The following XRN1 variants were observed in gnomAD, a reference collection of about 807,000 sequenced individuals.
XRN1 encodes the protein strand-exchange protein 1 homolog.
XRN1 carries 67 observed loss-of-function variants against 222.3 expected under a neutral mutation model. The ratio of observed to expected loss-of-function variants is 0.30; its 90% CI spans 0.25 to 0.37. The LOEUF (loss-of-function observed/expected upper bound fraction) is 0.37, where lower values mean the gene tolerates loss of function less well. Among genes scored for constraint, XRN1 ranks in the 10% least tolerant of loss-of-function variants. The pLI is 1.00. For synonymous variants in XRN1, 643 were observed against 652.4 expected (o/e 0.99, Z 0.22); for missense variants, 1,707 against 2,000.2 (o/e 0.85, Z 2.80).
intron 15 of XRN1, among the ~76,000 whole-genome samples, chr3:142,405,698 A>G (rs551132010): frequency 2.6e-5 from 4 of 152,306 alleles, no homozygotes; most frequent in African/African-American, 9.6e-5. Flanking sequence ...ATAGAGTTCA[A>G]TAATAGACCC....
In XRN1 at chr3:142,431,907, T is replaced by TA. The variant is rs1481603631; in HGVS notation, c.308+753dup. The stretch of plus-strand genomic sequence containing the variant: ...TATTATATATAATATATATATTATA[T>TA]ATATAAATATATATAATATAATATA... On this transcript the variant is annotated intron_variant, in intron 2 of 40. Coordinates refer to ENST00000392981, the MANE Select transcript of XRN1 (RefSeq NM_001282857.2). Among the ~76,000 whole-genome samples the TA allele has an allele frequency of 5.6e-3, 259 of 46,166 alleles. 4 individuals are homozygous for TA. The highest frequency in any genetic ancestry group is 0.031 in the African/African-American group (242 of 7,684). The allele number at this position is 46,166 out of a possible 152,430, so 30.3% of individuals were successfully genotyped here. A position where few individuals can be genotyped will look rare whatever the true frequency, so the allele number is the denominator to read the frequency against.
chr3:142,351,313 G>A (rs1012079592), intron 32 of XRN1, among the ~76,000 whole-genome samples: 6 of 152,162 alleles, frequency 3.9e-5, no homozygotes, highest in African/African-American at 1.4e-4. Context: ...GAAAAACAGG[G>A]AAGGGTGGTA....
At chr3:142,353,407 T>C (rs534818803) in intron 32 of XRN1, among the ~76,000 whole-genome samples, 10 of 152,296 alleles carry the variant, frequency 6.6e-5, no homozygotes, top group African/African-American at 2.4e-4. Context: ...ATTACCTGAC[T>C]TCACGTTATA....
chr3:142,345,767 A>T (rs1358444810), intron 33 of XRN1, among the ~76,000 whole-genome samples: 1 of 152,232 alleles, frequency 6.6e-6, no homozygotes, highest in Admixed American at 6.5e-5. Context: ...TTCTCCAAAG[A>T]TGATATACAT....
At chr3:142,323,718 C>A (rs2065429165) in intron 37 of XRN1, among the ~76,000 whole-genome samples, 1 of 152,054 alleles carries the variant, frequency 6.6e-6, no homozygotes, top group Non-Finnish European at 1.5e-5. Context: ...TGGCATGTGC[C>A]TGTAATCCTA....
At chr3:142,334,231 G>C (rs988459611) in intron 34 of XRN1, among the ~76,000 whole-genome samples, 2 of 152,084 alleles carry the variant, frequency 1.3e-5, no homozygotes, top group Non-Finnish European at 2.9e-5. Flanking sequence ...CAGTATAAGA[G>C]TTTCAAATGG....
intron 2 of XRN1, among the ~76,000 whole-genome samples, chr3:142,431,545 G>A (rs566130002): frequency 5.3e-5 from 8 of 151,858 alleles, no homozygotes; most frequent in Admixed American, 3.9e-4. Flanking sequence ...GGCTGGGCAC[G>A]GTGGCTCACA....
At position 142,355,382 on chromosome 3, in the gene XRN1, CA is replaced by C; in HGVS notation, c.3768+18del. 7.4e-7 allele frequency: 1 copy of C among 1,353,134 alleles called. No homozygotes were observed. The highest frequency in any genetic ancestry group is 1.9e-5 in the South Asian group (1 of 52,694). 83.8% of individuals were successfully genotyped at this position (1,353,134 alleles called of 1,614,324 possible). ...TATTTTCTTTAAATTAATTGTCCATCAAAACAAGGAATACTAACCTTCTCTT... is the reference window on the plus strand; with the variant it reads ...TATTTTCTTTAAATTAATTGTCCATCAAACAAGGAATACTAACCTTCTCTT... On this transcript the variant is annotated intron_variant, in intron 32 of 40. Transcript: ENST00000392981.
At position 142,447,116 on chromosome 3, in the gene XRN1, G is replaced by T. The variant is rs575851922; in HGVS notation, c.75+754C>A. 5.3e-5 allele frequency among the ~76,000 whole-genome samples: 8 copies of T among 151,208 alleles called. No homozygotes were observed. The highest frequency in any genetic ancestry group is 1.0e-4 in the Non-Finnish European group (7 of 67,716). ...TCCACAGTTCCAATATATAAACTAC[G>T]TTTTCGGAATCTACACATTAACGTT... is the stretch of plus-strand genomic sequence containing the variant. On this transcript the variant is annotated intron_variant, in intron 1 of 40. Coordinates refer to ENST00000392981, the MANE Select transcript of XRN1 (RefSeq NM_001282857.2). The surrounding 1 kb of genome is among the most constrained non-coding windows in gnomAD (Gnocchi z 4.2).
intron 2 of XRN1, among the ~76,000 whole-genome samples, chr3:142,430,981 A>G (rs537871026): frequency 7.4e-4 from 112 of 152,288 alleles, no homozygotes; most frequent in Non-Finnish European, 1.2e-3. Context: ...CAGTCCATCA[A>G]TTGCATTCTG....
At position 142,336,299 on chromosome 3, in the gene XRN1, T is replaced by C. The variant is rs201295930; in HGVS notation, c.3878-790A>G. Among the ~76,000 whole-genome samples the C allele has an allele frequency of 2.0e-5, 3 of 152,126 alleles. No homozygotes were observed. The East Asian group carries it at 5.8e-4, about 29-fold the overall frequency. ...ATAGTTTGTAATTATTGCATAATAT[T>C]CTATTATATTGGATATACTGGATTA... On this transcript the variant is annotated intron_variant, in intron 33 of 40. Transcript: ENST00000392981.
intron 25 of XRN1, among the ~76,000 whole-genome samples, chr3:142,371,555 T>C (rs557873754): frequency 6.6e-6 from 1 of 152,270 alleles, no homozygotes; most frequent in South Asian, 2.1e-4. Context: ...GTCATAAACT[T>C]ATAATAAACT....
intron 37 of XRN1, among the ~76,000 whole-genome samples, chr3:142,320,065 G>C (rs1445368719): frequency 6.6e-6 from 1 of 152,124 alleles, no homozygotes; most frequent in African/African-American, 2.4e-5. Flanking sequence ...TTTATATAAT[G>C]ATTTCTTTTC....
At chr3:142,381,563 C>CTTTTTTTTTTTTTTTT (rs766961502) in intron 22 of XRN1, among the ~76,000 whole-genome samples, 5 of 84,218 alleles carry the variant, frequency 5.9e-5, no homozygotes, top group African/African-American at 9.3e-5. Flanking sequence ...TAAGTTATTG[C>CTTTTTTTTTTTTTTTT]TTTTTTTTTT....
At chr3:142,338,501 T>A (rs972735711) in intron 33 of XRN1, among the ~76,000 whole-genome samples, 1 of 152,122 alleles carries the variant, frequency 6.6e-6, no homozygotes, top group Non-Finnish European at 1.5e-5. Flanking sequence ...TGAGACATGC[T>A]GGCTTCATAA....
chr3:142,414,339 G>C (rs766819791), intron 13 of XRN1, 48 bp from the exon 14 acceptor site: 7 of 1,398,370 alleles, frequency 5.0e-6, no homozygotes, highest in Non-Finnish European at 5.7e-6. Context: ...TTATGAATTA[G>C]GTTAATAATA....
At chr3:142,367,796 G>C (rs1288092098) in intron 27 of XRN1, among the ~76,000 whole-genome samples, 1 of 151,868 alleles carries the variant, frequency 6.6e-6, no homozygotes, top group East Asian at 1.9e-4. Flanking sequence ...CAAAGTGCTG[G>C]AATTACAGCT....
At chr3:142,440,498 T>C (rs2070152889) in intron 1 of XRN1, among the ~76,000 whole-genome samples, 2 of 151,872 alleles carry the variant, frequency 1.3e-5, no homozygotes, top group South Asian at 4.2e-4. Context: ...AACTAAAGGA[T>C]TCCACCTCCT....
chr3:142,413,356 C>G (rs1280092792), intron 14 of XRN1, among the ~76,000 whole-genome samples: 3 of 152,006 alleles, frequency 2.0e-5, no homozygotes, highest in Non-Finnish European at 2.9e-5. Context: ...GGTATTAAAG[C>G]GTATTGTATC....
Sources: gnomAD v4.1 joint callset for allele counts (sites outside exome capture counted in the v4.1 genomes callset) on GRCh38, gnomAD v4.1.1 for gene constraint, Gnocchi (gnomAD v3.1) non-coding constraint, MANE v1.5 for transcripts, NCBI Gene and HGNC (gene_info 2026-07-23, HGNC 2026-07-21) for gene names.